The following ADD2 variants were observed in gnomAD, a reference collection of about 807,000 sequenced individuals.
The protein encoded by ADD2 is beta-adducin.
In ADD2, 23 loss-of-function variants were observed where a neutral mutation model predicts 83.0. The ratio of observed to expected loss-of-function variants is 0.28; its 90% CI spans 0.20 to 0.39. ADD2 has a LOEUF of 0.39. Ranked by LOEUF, ADD2 falls within the 10% of genes least tolerant of loss-of-function variation. The pLI, the probability that ADD2 is intolerant of heterozygous loss-of-function variation, is 1.00. For synonymous variants in ADD2, 375 were observed against 375.4 expected, an observed-to-expected ratio of 1.00 and a Z score of 0.01; for missense variants, 758 against 944.9, an observed-to-expected ratio of 0.80 and a Z score of 2.59.
intron 1 of ADD2, among the ~76,000 whole-genome samples, chr2:70,749,534 C>T (rs1186449111): frequency 6.6e-6 from 1 of 151,094 alleles, no homozygotes; most frequent in Non-Finnish European, 1.5e-5. Context: ...TATCAGGGAA[C>T]AATATGGCCA....
chr2:70,740,452 A>G (rs188869715), intron 1 of ADD2, among the ~76,000 whole-genome samples: 232 of 152,300 alleles, frequency 1.5e-3, no homozygotes, highest in African/African-American at 4.9e-3. Context: ...ACAGAAACCT[A>G]ATAGATTTGG....
At chr2:70,669,196 C>T (rs1403822462) in intron 15 of ADD2, among the ~76,000 whole-genome samples, 4 of 152,156 alleles carry the variant, frequency 2.6e-5, no homozygotes, top group South Asian at 2.1e-4. Flanking sequence ...ATGCTGGCCA[C>T]GCAGAGAGGT....
chr2:70,752,636 C>T (rs186642483), intron 1 of ADD2, among the ~76,000 whole-genome samples: 1 of 152,208 alleles, frequency 6.6e-6, no homozygotes, highest in Non-Finnish European at 1.5e-5. Flanking sequence ...TTGGCTTGTG[C>T]AACTGGGATG....
At chr2:70,681,629 G>A (rs1051500258) in intron 10 of ADD2, among the ~76,000 whole-genome samples, 7 of 151,850 alleles carry the variant, frequency 4.6e-5, no homozygotes, top group Non-Finnish European at 8.8e-5. Flanking sequence ...GGAAGAACCC[G>A]TCAGGTAGTT....
At position 70,732,705 on chromosome 2, in the gene ADD2, C is replaced by T. The variant is rs1191144946; in HGVS notation, c.-153-19521G>A. Among the ~76,000 whole-genome samples, 5 of 152,130 alleles carry T rather than the reference C, an allele frequency of 3.3e-5. 1 individual carries two copies. Among genetic ancestry groups the T allele is most frequent in the East Asian group, 3.9e-4 (2 of 5,180 alleles). On this transcript the variant is annotated intron_variant, in intron 1 of 15. Coordinates refer to ENST00000264436, the MANE Select transcript of ADD2 (RefSeq NM_001617.4). The stretch of plus-strand genomic sequence containing the variant: ...GGTTGTTGCCTCTACATAAAGAACT[C>T]GGCCAGCTAAAGTCTCCTCTGAACC...
At chr2:70,752,326 A>C (rs1674547034) in intron 1 of ADD2, among the ~76,000 whole-genome samples, 1 of 152,206 alleles carries the variant, frequency 6.6e-6, no homozygotes. Context: ...TTCCATCTGC[A>C]AATAATTATT....
chr2:70,674,261 C>G (rs2104211759), intron 14 of ADD2, among the ~76,000 whole-genome samples: 2 of 152,184 alleles, frequency 1.3e-5, no homozygotes, highest in Middle Eastern at 6.8e-3. Flanking sequence ...GGGCTTCACT[C>G]AAGAATCTGA....
In ADD2 at chr2:70,725,008, G is replaced by C. The variant is rs143440247; in HGVS notation, c.-153-11824C>G. 2.0e-5 allele frequency among the ~76,000 whole-genome samples: 3 copies of C among 152,280 alleles called. No homozygotes were observed. The East Asian group carries it at 5.8e-4, about 29-fold the overall frequency. On this transcript the variant is annotated intron_variant, in intron 1 of 15. Coordinates refer to ENST00000264436, the MANE Select transcript of ADD2 (RefSeq NM_001617.4). ...ACCTTTTAAACCCTTCATAATTTCAGAAGCATTATCCCATAAGGGTGAAGA... is the reference window on the plus strand; with the variant it reads ...ACCTTTTAAACCCTTCATAATTTCACAAGCATTATCCCATAAGGGTGAAGA...
At chr2:70,751,363 A>G (rs1674500657) in intron 1 of ADD2, among the ~76,000 whole-genome samples, 1 of 152,196 alleles carries the variant, frequency 6.6e-6, no homozygotes, top group Non-Finnish European at 1.5e-5. Flanking sequence ...CCACTTATAT[A>G]GAAAAATCTT....
chr2:70,695,903 G>T, intron 5 of ADD2, 102 bp from the exon 6 acceptor site: 1 of 994,530 alleles, frequency 1.0e-6, no homozygotes, highest in Non-Finnish European at 1.5e-6. Flanking sequence ...CTGCACCCAA[G>T]TCCATCTCTA....
intron 1 of ADD2, among the ~76,000 whole-genome samples, chr2:70,728,374 G>A (rs1305783577): frequency 4.6e-5 from 7 of 152,340 alleles, no homozygotes; most frequent in Admixed American, 4.6e-4. Context: ...TAGATAAAGA[G>A]CCTGAAGCCC....
At position 70,706,893 on chromosome 2, in the gene ADD2, G is replaced by C. The variant is rs2863793; in HGVS notation, c.-34-451C>G. On this transcript the variant is annotated intron_variant, in intron 2 of 15. Coordinates refer to ENST00000264436, the MANE Select transcript of ADD2 (RefSeq NM_001617.4). This position sits in a 1 kb window ranked among gnomAD's most constrained non-coding sequence, Gnocchi z 5.0. ...TGGTGGAAATAGCTAATGCATGCTG[G>C]GCTTAACACCTAGGTAATGGGTTGA... Among the ~76,000 whole-genome samples, 53,115 of 151,988 alleles carry C rather than the reference G, an allele frequency of 0.35. 10,038 individuals are homozygous for C. Among genetic ancestry groups the C allele is most frequent in the African/African-American group, 0.51 (21,012 of 41,426 alleles).
In ADD2 at chr2:70,663,647, C is replaced by G. The variant is rs1417890778; in HGVS notation, c.1959G>C (p.Glu653Asp). ...QPEGVVVNGR[E>D]EEQTAEEILS... ...GGATTTCCTCTGCCGTCTGCTCCTC[C>G]TCCCTCCCGTTGACCACCACCCCTT... The change falls in exon 16 of 16, where the codon GAG becomes GAC. Residue 653 changes from glutamate (E) to aspartate (D), a missense_variant. Coordinates refer to ENST00000264436, the MANE Select transcript of ADD2 (RefSeq NM_001617.4). The G allele has an allele frequency of 1.2e-6, 2 of 1,614,024 alleles. No homozygotes were observed. The highest frequency in any genetic ancestry group is 1.7e-6 in the Non-Finnish European group (2 of 1,180,048).
intron 1 of ADD2, among the ~76,000 whole-genome samples, chr2:70,714,562 T>C (rs1241861058): frequency 5.3e-5 from 8 of 152,214 alleles, no homozygotes; most frequent in African/African-American, 1.9e-4. Context: ...CCCATCTACT[T>C]AGGAACAGGT....
chr2:70,745,573 C>A (rs947887972), intron 1 of ADD2, among the ~76,000 whole-genome samples: 20 of 152,182 alleles, frequency 1.3e-4, no homozygotes, highest in African/African-American at 4.8e-4. Flanking sequence ...AGAAAAATGG[C>A]ACGTGCTGGG....
chr2:70,767,809 C>T (rs1490294368), intron 1 of ADD2, 77 bp downstream of exon 1: 1 of 1,521,250 alleles, frequency 6.6e-7, no homozygotes, highest in African/African-American at 1.4e-5. Context: ...CCCGCCCGGC[C>T]GAGGGATGCC....
chr2:70,718,359 C>T (rs1473690658), intron 1 of ADD2, among the ~76,000 whole-genome samples: 2 of 152,166 alleles, frequency 1.3e-5, no homozygotes, highest in African/African-American at 4.8e-5. Flanking sequence ...TGAGACATGG[C>T]CCTGCCTGCT....
chr2:70,715,546 G>T (rs568942027), intron 1 of ADD2, among the ~76,000 whole-genome samples: 1 of 152,206 alleles, frequency 6.6e-6, no homozygotes, highest in Non-Finnish European at 1.5e-5. Context: ...AGAGCCACCT[G>T]CCCCCTGCTC....
At chr2:70,742,259 T>A (rs1245221661) in intron 1 of ADD2, among the ~76,000 whole-genome samples, 12 of 152,164 alleles carry the variant, frequency 7.9e-5, no homozygotes, top group African/African-American at 2.7e-4. Context: ...GAGCTAGTTA[T>A]TTTTTAGAGA....
Sources: allele counts gnomAD v4.1 joint callset (sites outside exome capture counted in the v4.1 genomes callset), GRCh38; gene constraint gnomAD v4.1.1; non-coding constraint Gnocchi (gnomAD v3.1); transcripts MANE v1.5; gene names NCBI Gene and HGNC (gene_info 2026-07-23, HGNC 2026-07-21).